RBFOX1: variants seen among roughly 807,000 people sequenced by gnomAD.
RBFOX1 encodes RNA binding fox-1 homolog 1.
A neutral mutation model predicts 57.7 loss-of-function variants in RBFOX1; 8 were observed. The observed-to-expected ratio is 0.14, with a 90% CI of 0.08 to 0.25. The LOEUF (loss-of-function observed/expected upper bound fraction) is 0.25, where lower values mean the gene tolerates loss of function less well. RBFOX1 is among the 10% of genes least tolerant of loss of function. RBFOX1 has a pLI of 1.00. For synonymous variants in RBFOX1, 326 were observed against 222.4 expected (o/e 1.47, Z -4.15); for missense variants, 611 against 548.5 (o/e 1.11, Z -1.14).
intron 3 of RBFOX1, among the ~76,000 whole-genome samples, chr16:5,757,838 C>G (rs543250896): frequency 2.0e-5 from 3 of 152,262 alleles, no homozygotes; most frequent in South Asian, 2.1e-4. Context: ...TGGGCTCATG[C>G]TTCTACTACT....
At chr16:7,594,370 A>G (rs541662195) in intron 7 of RBFOX1, among the ~76,000 whole-genome samples, 1 of 152,302 alleles carries the variant, frequency 6.6e-6, no homozygotes, top group East Asian at 1.9e-4. Flanking sequence ...GCCCCAACAT[A>G]TTGCATGATT....
At chr16:6,935,207 G>A (rs1257399326) in intron 3 of RBFOX1, among the ~76,000 whole-genome samples, 2 of 152,208 alleles carry the variant, frequency 1.3e-5, no homozygotes, top group Admixed American at 1.3e-4. Context: ...ACATAGCTCA[G>A]AGTGTATGGT....
At chr16:6,658,557 G>A (rs372917416) in intron 3 of RBFOX1, among the ~76,000 whole-genome samples, 2 of 152,012 alleles carry the variant, frequency 1.3e-5, no homozygotes, top group Admixed American at 6.6e-5. Context: ...CTTTATCTGC[G>A]CACAGTCTGG....
chr16:7,242,764 T>C (rs1294114061), intron 4 of RBFOX1, among the ~76,000 whole-genome samples: 5 of 152,224 alleles, frequency 3.3e-5, no homozygotes, highest in African/African-American at 1.2e-4. Context: ...GACTAACTAG[T>C]TGTCTGCAAG....
At chr16:6,544,273 A>G (rs2096864951) in intron 2 of RBFOX1, among the ~76,000 whole-genome samples, 1 of 152,172 alleles carries the variant, frequency 6.6e-6, no homozygotes, top group East Asian at 1.9e-4. Context: ...TGTGGTTGCA[A>G]GAAATTAGCC....
In RBFOX1 at chr16:6,326,913, A is replaced by G. The variant is rs191440075; in HGVS notation, c.-64+9856A>G. ...GGGAAATCTCCATGTCTTGCATGCA[A>G]AGCTGGGCTCTCTCACCTGGAGGCT... On this transcript the variant is annotated intron_variant, in intron 2 of 15. Transcript: ENST00000550418. Among the ~76,000 whole-genome samples the G allele has an allele frequency of 3.9e-5, 6 of 152,270 alleles. No homozygotes were observed. The East Asian group carries it at 9.7e-4, about 25-fold the overall frequency.
At chr16:7,145,675 C>A (rs936841660) in intron 4 of RBFOX1, among the ~76,000 whole-genome samples, 2 of 152,138 alleles carry the variant, frequency 1.3e-5, no homozygotes, top group Non-Finnish European at 2.9e-5. Context: ...AATTCTGTTT[C>A]ATTTAGATAC....
rs114199767 is a variant in RBFOX1 at position 7,136,207 on chromosome 16, C to G, written c.27+84109C>G. Among the ~76,000 whole-genome samples, 458 of 152,178 alleles carry G rather than the reference C, an allele frequency of 3.0e-3. 5 individuals are homozygous for G. Among genetic ancestry groups the G allele is most frequent in the African/African-American group, 0.01 (418 of 41,526 alleles). On this transcript the variant is annotated intron_variant, in intron 4 of 15. Coordinates refer to ENST00000550418, the MANE Select transcript of RBFOX1 (RefSeq NM_018723.4). ...CCAAGGAACAGAATAAAGGCTAGTT[C>G]TTTGTGTTCGTCCATATGGTAGCCA... is the stretch of plus-strand genomic sequence containing the variant.
chr16:6,241,200 C>G (rs1320545901), intron 1 of RBFOX1, among the ~76,000 whole-genome samples: 1 of 152,188 alleles, frequency 6.6e-6, no homozygotes, highest in Non-Finnish European at 1.5e-5. Flanking sequence ...TATGCAAATT[C>G]CCGTTCAGAC....
At chr16:7,119,185 G>T (rs901949045) in intron 4 of RBFOX1, among the ~76,000 whole-genome samples, 2 of 152,154 alleles carry the variant, frequency 1.3e-5, no homozygotes, top group African/African-American at 4.8e-5. Flanking sequence ...CTACACCACA[G>T]AAATCCCACC....
At chr16:6,937,330 C>T (rs550156189) in intron 3 of RBFOX1, among the ~76,000 whole-genome samples, 2 of 152,156 alleles carry the variant, frequency 1.3e-5, no homozygotes, top group Admixed American at 1.3e-4. Context: ...AACCACCCCA[C>T]ATGCACAATG....
chr16:5,420,883 C>CT (rs2067300947), intron 1 of RBFOX1, among the ~76,000 whole-genome samples: 1 of 136,942 alleles, frequency 7.3e-6, no homozygotes, highest in South Asian at 2.7e-4. Flanking sequence ...CCCTCCCTCC[C>CT]CCTCCTCCTC....
chr16:5,326,253 A>C (rs762919605), intron 1 of RBFOX1, among the ~76,000 whole-genome samples: 1 of 152,196 alleles, frequency 6.6e-6, no homozygotes, highest in African/African-American at 2.4e-5. Flanking sequence ...CAGAGAGCCA[A>C]TGTGGCTAGC....
At chr16:6,886,442 C>G (rs529770565) in intron 3 of RBFOX1, among the ~76,000 whole-genome samples, 8 of 151,950 alleles carry the variant, frequency 5.3e-5, no homozygotes, top group Non-Finnish European at 1.2e-4. Context: ...ATTGCAAAGG[C>G]ATTCCAATTT....
At chr16:7,181,761 A>G (rs1413529675) in intron 4 of RBFOX1, among the ~76,000 whole-genome samples, 2 of 151,996 alleles carry the variant, frequency 1.3e-5, no homozygotes, top group African/African-American at 2.4e-5. Context: ...CAGTCTTGCC[A>G]TGTTACCCAG....
chr16:6,229,632 T>G (rs1325205014), intron 1 of RBFOX1, among the ~76,000 whole-genome samples: 1 of 152,108 alleles, frequency 6.6e-6, no homozygotes, highest in African/African-American at 2.4e-5. Flanking sequence ...AGGAAGAAAT[T>G]TAGTATGCAT....
At chr16:7,607,056 C>G (rs1413203911) in intron 9 of RBFOX1, among the ~76,000 whole-genome samples, 1 of 152,110 alleles carries the variant, frequency 6.6e-6, no homozygotes, top group Non-Finnish European at 1.5e-5. Flanking sequence ...TGTGGCTGGT[C>G]AGTAGTTTCC....
chr16:5,967,831 C>T (rs188524618), intron 4 of RBFOX1, among the ~76,000 whole-genome samples: 12 of 152,164 alleles, frequency 7.9e-5, no homozygotes, highest in East Asian at 1.9e-4. Context: ...ACCATCAATT[C>T]GGATATCTGA....
chr16:6,620,732 A>C (rs988911801), intron 2 of RBFOX1, among the ~76,000 whole-genome samples: 3 of 152,354 alleles, frequency 2.0e-5, no homozygotes, highest in East Asian at 1.9e-4. Flanking sequence ...CCCTCTCTGC[A>C]CATAAACTAG....
Sources: allele counts gnomAD v4.1 joint callset (sites outside exome capture counted in the v4.1 genomes callset), GRCh38; gene constraint gnomAD v4.1.1; transcripts MANE v1.5; gene names NCBI Gene and HGNC (gene_info 2026-07-23, HGNC 2026-07-21).